Variants in SIM1 observed in about 807,000 individuals in gnomAD.
The protein encoded by SIM1 is single-minded homolog 1.
Under a neutral mutation model 78.2 loss-of-function variants are expected in SIM1, and 18 were observed. The observed-to-expected ratio is 0.23, with a 90% CI of 0.16 to 0.34. The LOEUF is 0.34. SIM1 is among the 10% of genes least tolerant of loss of function. SIM1 has a pLI of 1.00. For missense variants in SIM1, 939 were observed against 975.1 expected, an observed-to-expected ratio of 0.96 and a Z score of 0.49; for synonymous variants, 417 against 385.2, an observed-to-expected ratio of 1.08 and a Z score of -0.97.
chr6:100,444,682 C>T (rs1211949620), intron 9 of SIM1, among the ~76,000 whole-genome samples: 1 of 152,128 alleles, frequency 6.6e-6, no homozygotes. Context: ...TGCCCTGTTG[C>T]AACTGCTTAT....
intron 9 of SIM1, among the ~76,000 whole-genome samples, chr6:100,425,256 CT>C (rs750404948): frequency 1.3e-5 from 2 of 152,046 alleles, no homozygotes; most frequent in Admixed American, 6.6e-5. Context: ...AATTAAACCT[CT>C]TTTTTTTCCC....
chr6:100,439,832 CA>C (rs1381100784), intron 9 of SIM1, among the ~76,000 whole-genome samples: 1 of 152,106 alleles, frequency 6.6e-6, no homozygotes, highest in Non-Finnish European at 1.5e-5. Context: ...AGAAAGTGCT[CA>C]ATAAATGCTG....
intron 10 of SIM1, among the ~76,000 whole-genome samples, chr6:100,395,109 A>G (rs1054780274): frequency 3.3e-5 from 5 of 152,200 alleles, no homozygotes; most frequent in African/African-American, 1.2e-4. Flanking sequence ...GGCCCTCACA[A>G]GCCACTAAAA....
At chr6:100,449,920 GATAATA>G (rs963249976) in intron 4 of SIM1, among the ~76,000 whole-genome samples, 1 of 152,244 alleles carries the variant, frequency 6.6e-6, no homozygotes, top group Admixed American at 6.5e-5. Flanking sequence ...TAATAATGAT[GATAATA>G]ATAATAGTAG....
chr6:100,408,777 A>C (rs1394513085), intron 10 of SIM1, among the ~76,000 whole-genome samples: 1 of 152,102 alleles, frequency 6.6e-6, no homozygotes, highest in Non-Finnish European at 1.5e-5. Flanking sequence ...ATCATGGTGT[A>C]TGATCCTTTC....
At chr6:100,417,482 A>G (rs569238258) in intron 10 of SIM1, among the ~76,000 whole-genome samples, 6 of 152,366 alleles carry the variant, frequency 3.9e-5, no homozygotes, top group African/African-American at 1.4e-4. Flanking sequence ...TGTTAAGTCA[A>G]AAACACATAA....
intron 2 of SIM1, among the ~76,000 whole-genome samples, chr6:100,456,524 A>G (rs1043436757): frequency 1.8e-4 from 27 of 152,220 alleles, no homozygotes; most frequent in African/African-American, 6.3e-4. Flanking sequence ...AGAGAAAAGG[A>G]GCTCTGTGAG....
intron 2 of SIM1, among the ~76,000 whole-genome samples, chr6:100,455,093 A>C (rs1582323960): frequency 6.6e-6 from 1 of 152,084 alleles, no homozygotes; most frequent in African/African-American, 2.4e-5. Context: ...AAAATAAAAC[A>C]TGGAGTTGGA....
rs1353558968 is a variant in SIM1 at position 100,385,198 on chromosome 6, CA to C, written c.*5162del. 6.6e-6 allele frequency: 1 copy of C among 151,936 alleles called. No homozygotes were observed. Among genetic ancestry groups the C allele is most frequent in the Non-Finnish European group, 1.5e-5 (1 of 67,918 alleles). The allele number at this position is 151,936 out of a possible 1,614,324, so 9.4% of individuals were successfully genotyped here. On this transcript the variant is annotated 3_prime_UTR_variant, in exon 12 of 12. Coordinates refer to ENST00000369208, the MANE Select transcript of SIM1 (RefSeq NM_005068.3). Reference sequence around the variant, plus strand: ...TACTTTACATTCCAAAGTAAAATTTCAAATTACAGCTTTATACTACAATGTC... The same window carrying C: ...TACTTTACATTCCAAAGTAAAATTTCAATTACAGCTTTATACTACAATGTC...
chr6:100,404,439 G>T (rs148788941), intron 10 of SIM1, among the ~76,000 whole-genome samples: 5 of 152,138 alleles, frequency 3.3e-5, no homozygotes, highest in African/African-American at 1.2e-4. Context: ...TATCAGGCAT[G>T]AGCAGCTTTC....
At chr6:100,453,886 C>A (rs376315859) in intron 2 of SIM1, 42 bp from the exon 3 acceptor site, 2 of 1,507,620 alleles carry the variant, frequency 1.3e-6, no homozygotes, top group African/African-American at 1.4e-5. Context: ...TGAACCCGGA[C>A]CTGACAGGCA....
chr6:100,455,949 T>C (rs889321385), intron 2 of SIM1, among the ~76,000 whole-genome samples: 5 of 152,112 alleles, frequency 3.3e-5, no homozygotes, highest in Non-Finnish European at 4.4e-5. Flanking sequence ...TTCGGCCTCA[T>C]TAGTATGCGC....
At position 100,390,582 on chromosome 6, in the gene SIM1, C is replaced by T; in HGVS notation, c.2080G>A (p.Val694Ile). The T allele has an allele frequency of 6.2e-7, 1 of 1,614,170 alleles. No homozygotes were observed. Among genetic ancestry groups the T allele is most frequent in the African/African-American group, 1.3e-5 (1 of 75,038 alleles). ...PHQTAGDHPT[V>I]SPNCFGSHRQ... is the part of the protein sequence containing the mutation. ...TGAGAGCCAAAGCAGTTTGGAGAGA[C>T]AGTAGGGTGGTCTCCTGCTGTCTGA... The change falls in exon 12 of 12, where the codon GTC becomes ATC. Residue 694 changes from valine to isoleucine, a missense_variant. By Grantham distance (29) the Val-to-Ile change is conservative (BLOSUM62 3). This residue lies in a region of SIM1 where 556 missense variants were observed against 521.9 expected (regional missense o/e 1.07). Coordinates refer to ENST00000369208, the MANE Select transcript of SIM1 (RefSeq NM_005068.3).
chr6:100,402,281 A>G (rs1770933540), intron 10 of SIM1, among the ~76,000 whole-genome samples: 1 of 151,942 alleles, frequency 6.6e-6, no homozygotes, highest in Admixed American at 6.6e-5. Context: ...GATAAGATAT[A>G]TATGTTAAAG....
rs1054801110 is a variant in SIM1, at chr6:100,388,417, T to A, written c.*1944A>T. 11 of 152,228 alleles carry A rather than the reference T, an allele frequency of 7.2e-5. No individual in the cohort carries two copies. Among genetic ancestry groups the A allele is most frequent in the African/African-American group, 2.4e-4 (10 of 41,466 alleles). 9.4% of individuals were successfully genotyped at this position (152,228 alleles called of 1,614,324 possible). A position where few individuals can be genotyped will look rare whatever the true frequency, so the allele number is the denominator to read the frequency against. ...AAACCCATGTTATTCAAGGGTCAAC[T>A]GCACTTTGAATTTTTTGAAAATATA... On this transcript the variant is annotated 3_prime_UTR_variant, in exon 12 of 12. Transcript: ENST00000369208.
intron 10 of SIM1, among the ~76,000 whole-genome samples, chr6:100,407,967 A>G (rs1363199031): frequency 6.6e-6 from 1 of 152,102 alleles, no homozygotes; most frequent in African/African-American, 2.4e-5. Flanking sequence ...TTTGCTATGC[A>G]GAAGCTTTTT....
intron 11 of SIM1, 44 bp from the exon 12 acceptor site, chr6:100,391,135 C>T: frequency 6.6e-7 from 1 of 1,525,900 alleles, no homozygotes; most frequent in Non-Finnish European, 8.7e-7. Context: ...TCAGAATTCA[C>T]CCTCAAAATA....
chr6:100,402,092 T>C lies in SIM1; in HGVS notation c.1168-8203A>G, dbSNP rs186894795. 7.0e-4 allele frequency among the ~76,000 whole-genome samples: 107 copies of C among 152,280 alleles called. No homozygotes were observed. In the East Asian group the frequency reaches 0.016, roughly 23 times the overall value. ...CAGTAAGAATCAAATAAATAATATG[T>C]ATAACAGCACTAAAAAATACAAATG... is the stretch of plus-strand genomic sequence containing the variant. On this transcript the variant is annotated intron_variant, in intron 10 of 11. Transcript: ENST00000369208.
intron 9 of SIM1, among the ~76,000 whole-genome samples, chr6:100,446,921 C>A (rs1380598166): frequency 6.6e-6 from 1 of 152,190 alleles, no homozygotes; most frequent in Non-Finnish European, 1.5e-5. Context: ...ACCATAAATG[C>A]CTCCGTACTT....
Sources: allele counts gnomAD v4.1 joint callset (sites outside exome capture counted in the v4.1 genomes callset), GRCh38; gene constraint gnomAD v4.1.1; regional missense constraint gnomAD v4.1.1; transcripts MANE v1.5; gene names NCBI Gene and HGNC (gene_info 2026-07-23, HGNC 2026-07-21).